ZNF385D: variants seen among roughly 807,000 people sequenced by gnomAD.
The protein encoded by ZNF385D is zinc finger protein 385D.
A neutral mutation model predicts 35.8 loss-of-function variants in ZNF385D; 15 were observed. That is an observed-to-expected ratio of 0.42 (90% CI 0.28 to 0.64). The LOEUF (loss-of-function observed/expected upper bound fraction) is 0.64. Among genes scored for constraint, ZNF385D ranks in the 30% least tolerant of loss-of-function variants. The pLI, the probability that ZNF385D is intolerant of heterozygous loss-of-function variation, is 0.23. For synonymous variants in ZNF385D, 212 were observed against 186.8 expected (o/e 1.13, Z -1.10); for missense variants, 474 against 494.6 (o/e 0.96, Z 0.39).
chr3:21,689,886 C>CA (rs5847127), intron 1 of ZNF385D, among the ~76,000 whole-genome samples: 40 of 143,780 alleles, frequency 2.8e-4, no homozygotes, highest in South Asian at 1.1e-3. Flanking sequence ...CGAAAAATTG[C>CA]AAAAAAAAAA....
At chr3:21,510,699 G>A (rs1321585833) in intron 4 of ZNF385D, among the ~76,000 whole-genome samples, 162 bp downstream of exon 4, 1 of 152,136 alleles carries the variant, frequency 6.6e-6, no homozygotes, top group Non-Finnish European at 1.5e-5. Flanking sequence ...AATCTTGCAG[G>A]GGTTTGGAAA....
intron 3 of ZNF385D, among the ~76,000 whole-genome samples, chr3:22,153,163 C>T (rs1305657898): frequency 6.6e-6 from 1 of 152,126 alleles, no homozygotes; most frequent in Non-Finnish European, 1.5e-5. Flanking sequence ...CTGGTGAACT[C>T]ATATTCAGTT....
At chr3:21,664,450 T>C (rs1418875089) in intron 2 of ZNF385D, among the ~76,000 whole-genome samples, 1 of 152,172 alleles carries the variant, frequency 6.6e-6, no homozygotes, top group Non-Finnish European at 1.5e-5. Context: ...TAATCACTGC[T>C]GCCATTGTCA....
chr3:21,884,924 T>C (rs559993540), intron 3 of ZNF385D, among the ~76,000 whole-genome samples: 5 of 151,908 alleles, frequency 3.3e-5, no homozygotes, highest in South Asian at 4.1e-4. Flanking sequence ...TTTTTGTAAA[T>C]AAAGTTTTTC....
intron 2 of ZNF385D, among the ~76,000 whole-genome samples, chr3:21,633,956 A>G (rs1409688171): frequency 6.6e-6 from 1 of 152,094 alleles, no homozygotes; most frequent in Admixed American, 6.6e-5. Context: ...AGCACTTTGG[A>G]AAGATCAGGC....
intron 4 of ZNF385D, among the ~76,000 whole-genome samples, chr3:21,480,632 A>G (rs1458192855): frequency 6.6e-6 from 1 of 152,100 alleles, no homozygotes; most frequent in Non-Finnish European, 1.5e-5. Flanking sequence ...TTTTACTGTA[A>G]TGATCACTAA....
At chr3:21,661,963 T>A (rs539608191) in intron 2 of ZNF385D, among the ~76,000 whole-genome samples, 13 of 152,320 alleles carry the variant, frequency 8.5e-5, no homozygotes, top group Middle Eastern at 6.8e-3. Context: ...GTATACATTT[T>A]AAAATTTTTC....
chr3:21,865,912 G>A (rs994336142), intron 3 of ZNF385D, among the ~76,000 whole-genome samples: 9 of 151,996 alleles, frequency 5.9e-5, no homozygotes, highest in Non-Finnish European at 1.0e-4. Context: ...GTTGACAGAT[G>A]CTGTGATAAT....
intron 2 of ZNF385D, among the ~76,000 whole-genome samples, chr3:21,579,030 A>G (rs912251301): frequency 2.0e-5 from 3 of 152,062 alleles, no homozygotes; most frequent in Admixed American, 6.6e-5. Flanking sequence ...ATTCCTTTCT[A>G]TTTTGATTAG....
intron 4 of ZNF385D, among the ~76,000 whole-genome samples, chr3:21,463,302 C>T (rs73131561): frequency 2.0e-5 from 3 of 152,030 alleles, no homozygotes; most frequent in Admixed American, 1.3e-4. Context: ...TATATTTTTA[C>T]AGGGACACTA....
intron 3 of ZNF385D, among the ~76,000 whole-genome samples, chr3:21,768,983 AC>A (rs2070957120): frequency 6.6e-6 from 1 of 152,050 alleles, no homozygotes; most frequent in Admixed American, 6.6e-5. Context: ...GAAAACAAAA[AC>A]AAAAACAAAA....
intron 3 of ZNF385D, among the ~76,000 whole-genome samples, chr3:21,833,447 GGA>G (rs1261230032): frequency 6.6e-6 from 1 of 152,152 alleles, no homozygotes; most frequent in Non-Finnish European, 1.5e-5. Context: ...CCACGCACGT[GGA>G]GAGGATTGTG....
chr3:22,200,378 C>G (rs1366136739), intron 2 of ZNF385D, among the ~76,000 whole-genome samples: 1 of 152,046 alleles, frequency 6.6e-6, no homozygotes, highest in African/African-American at 2.4e-5. Flanking sequence ...CCATGATGCC[C>G]CACAAGCCGT....
At chr3:22,364,691 C>T (rs960925387) in intron 2 of ZNF385D, among the ~76,000 whole-genome samples, 2 of 152,036 alleles carry the variant, frequency 1.3e-5, no homozygotes, top group African/African-American at 4.8e-5. Flanking sequence ...TATGGCAGTT[C>T]CTCTAAGTAT....
At chr3:21,902,967 C>G (rs1699486153) in intron 3 of ZNF385D, among the ~76,000 whole-genome samples, 1 of 152,072 alleles carries the variant, frequency 6.6e-6, no homozygotes, top group Non-Finnish European at 1.5e-5. Flanking sequence ...TCAATACAGA[C>G]CTGTTTCTGT....
In ZNF385D at chr3:21,421,527, T is replaced by G. The variant is rs942208429; in HGVS notation, c.955-80A>C. 2.9e-5 allele frequency: 27 copies of G among 938,872 alleles called. No individual in the cohort carries two copies. The African/African-American group carries it at 4.1e-4, about 14-fold the overall frequency. The allele number at this position is 938,872 out of a possible 1,614,324, so 58.2% of individuals were successfully genotyped here. A position where few individuals can be genotyped will look rare whatever the true frequency, so the allele number is the denominator to read the frequency against. On this transcript the variant is annotated intron_variant, in intron 7 of 7. Coordinates refer to ENST00000281523, the MANE Select transcript of ZNF385D (RefSeq NM_024697.3). ...AAAACCCAAAATGGCAGGGAGCTTT[T>G]AAAATATAGCAGTAAACAACTATAA...
chr3:22,099,616 A>C lies in ZNF385D; in HGVS notation c.325+69201T>G, dbSNP rs17010786. Among the ~76,000 whole-genome samples the C allele has an allele frequency of 1.2e-3, 183 of 152,140 alleles. 9 individuals are homozygous for C. The East Asian group carries it at 0.03, about 25-fold the overall frequency. ...GGTAAACCTGATTTAGTGGAAATGGAAATAATCCCTTGTGTGCCCACAGAG... is the reference window on the plus strand; with the variant it reads ...GGTAAACCTGATTTAGTGGAAATGGCAATAATCCCTTGTGTGCCCACAGAG... On this transcript the variant is annotated intron_variant, in intron 3 of 5. Coordinates refer to the ZNF385D transcript ENST00000494108.
chr3:22,000,135 C>T (rs950402657), intron 3 of ZNF385D, among the ~76,000 whole-genome samples: 2 of 152,076 alleles, frequency 1.3e-5, no homozygotes, highest in Non-Finnish European at 2.9e-5. Context: ...GAAACCCCGT[C>T]TCTACTCAAA....
At chr3:22,057,842 C>T (rs1312276832) in intron 3 of ZNF385D, among the ~76,000 whole-genome samples, 3 of 152,086 alleles carry the variant, frequency 2.0e-5, no homozygotes, top group Non-Finnish European at 2.9e-5. Context: ...ATTTACTTTT[C>T]CTGACCTCCA....
Sources: gnomAD v4.1 joint callset for allele counts (sites outside exome capture counted in the v4.1 genomes callset) on GRCh38, gnomAD v4.1.1 for gene constraint, MANE v1.5 for transcripts, NCBI Gene and HGNC (gene_info 2026-07-23, HGNC 2026-07-21) for gene names.